The following EYS variants were observed in gnomAD, a reference collection of about 807,000 sequenced individuals.
The protein encoded by EYS is EGF-like photoreceptor maintenance factor, also known as protein eyes shut homolog.
A neutral mutation model predicts 282.1 loss-of-function variants in EYS; 250 were observed. That is an observed-to-expected ratio of 0.89 (90% confidence interval 0.80 to 0.98). EYS has a LOEUF of 0.98. Among genes scored for constraint, EYS ranks in the 50% least tolerant of loss-of-function variants. The probability of loss-of-function intolerance (pLI) is 0.00; values close to 1 mark genes in which losing one functional copy is unlikely to be tolerated. For missense variants in EYS, 4,016 were observed against 3,709.0 expected (o/e 1.08, Z -2.15); for synonymous variants, 1,355 against 1,282.9 (o/e 1.06, Z -1.20).
chr6:65,488,827 T>A (rs530183320), intron 5 of EYS, among the ~76,000 whole-genome samples: 1 of 152,112 alleles, frequency 6.6e-6, no homozygotes, highest in East Asian at 1.9e-4. Flanking sequence ...ACACCACACA[T>A]CTACCATCAT....
chr6:64,155,988 A>ATG (rs1322507686), intron 31 of EYS, among the ~76,000 whole-genome samples: 19 of 150,828 alleles, frequency 1.3e-4, no homozygotes, highest in African/African-American at 4.4e-4. Context: ...TTATATATAT[A>ATG]TATGTGTGTG....
chr6:64,530,533 G>C (rs577972264), intron 26 of EYS, among the ~76,000 whole-genome samples: 55 of 151,968 alleles, frequency 3.6e-4, no homozygotes, highest in African/African-American at 1.2e-3. Context: ...TACAATTATA[G>C]GATTGATTTA....
intron 15 of EYS, among the ~76,000 whole-genome samples, chr6:64,930,635 A>G (rs934016549): frequency 4.4e-4 from 67 of 152,138 alleles, no homozygotes; most frequent in African/African-American, 1.6e-3. Flanking sequence ...TTTTTATAAG[A>G]GATGAAAATT....
chr6:64,389,444 C>T (rs189660384), intron 28 of EYS, among the ~76,000 whole-genome samples: 409 of 152,256 alleles, frequency 2.7e-3, no homozygotes, highest in Non-Finnish European at 4.2e-3. Flanking sequence ...ATGCATGTGT[C>T]ATTTACTCTA....
chr6:63,941,169 C>T (rs955990417), intron 35 of EYS, among the ~76,000 whole-genome samples: 2 of 152,064 alleles, frequency 1.3e-5, no homozygotes, highest in Non-Finnish European at 2.9e-5. Context: ...TTTATAGCAG[C>T]GTGATTTATA....
At chr6:64,318,021 C>T (rs778305427) in intron 29 of EYS, among the ~76,000 whole-genome samples, 1 of 151,082 alleles carries the variant, frequency 6.6e-6, no homozygotes, top group Non-Finnish European at 1.5e-5. Context: ...CACACCAGGG[C>T]TTGTCAGGGG....
intron 5 of EYS, among the ~76,000 whole-genome samples, chr6:65,467,784 G>A (rs1264266300): frequency 6.6e-6 from 1 of 151,854 alleles, no homozygotes; most frequent in Non-Finnish European, 1.5e-5. Context: ...AATAGTGTGG[G>A]GGTAATTGTC....
chr6:65,227,584 C>T (rs188711985), intron 12 of EYS, among the ~76,000 whole-genome samples: 34 of 151,998 alleles, frequency 2.2e-4, no homozygotes, highest in Admixed American at 6.6e-4. Flanking sequence ...TATAAATAAA[C>T]GAATTGAAAG....
chr6:64,255,332 A>G (rs1767354279), intron 30 of EYS, among the ~76,000 whole-genome samples: 1 of 152,044 alleles, frequency 6.6e-6, no homozygotes, highest in Non-Finnish European at 1.5e-5. Flanking sequence ...CTCAACTAAA[A>G]TGATGCTTAT....
At chr6:65,235,302 C>A (rs1766893576) in intron 12 of EYS, among the ~76,000 whole-genome samples, 1 of 152,028 alleles carries the variant, frequency 6.6e-6, no homozygotes, top group Non-Finnish European at 1.5e-5. Context: ...AGTACTGTGA[C>A]TGAGCCACAT....
chr6:64,343,162 A>G (rs1446765227), intron 29 of EYS, among the ~76,000 whole-genome samples: 1 of 152,136 alleles, frequency 6.6e-6, no homozygotes, highest in African/African-American at 2.4e-5. Context: ...CAGAAAGTTA[A>G]CAACAATACC....
chr6:64,146,416 C>T (rs1774520620), intron 31 of EYS, among the ~76,000 whole-genome samples: 1 of 152,076 alleles, frequency 6.6e-6, no homozygotes, highest in Non-Finnish European at 1.5e-5. Flanking sequence ...TAGAGGCTTT[C>T]CAAAATTTGT....
chr6:65,288,379 A>T (rs1354666254), intron 12 of EYS, among the ~76,000 whole-genome samples: 5 of 150,654 alleles, frequency 3.3e-5, no homozygotes, highest in African/African-American at 1.2e-4. Flanking sequence ...GCTTTAAAAA[A>T]ATATAGGAAT....
chr6:64,465,557 T>C (rs1289114213), intron 26 of EYS, among the ~76,000 whole-genome samples: 1 of 152,086 alleles, frequency 6.6e-6, no homozygotes, highest in Non-Finnish European at 1.5e-5. Context: ...TGCAGACTAA[T>C]AAAAATAAAC....
chr6:65,594,459 T>G (rs1415804337), intron 2 of EYS, among the ~76,000 whole-genome samples: 1 of 152,100 alleles, frequency 6.6e-6, no homozygotes, highest in Non-Finnish European at 1.5e-5. Context: ...TATCTATGAT[T>G]CAAACTTAGT....
chr6:65,400,538 TA>T (rs1766453292), intron 7 of EYS, among the ~76,000 whole-genome samples: 1 of 151,954 alleles, frequency 6.6e-6, no homozygotes, highest in Non-Finnish European at 1.5e-5. Context: ...CATAGACACC[TA>T]AAGCTTTCAG....
At chr6:65,617,579 T>A (rs1459957666) in intron 2 of EYS, among the ~76,000 whole-genome samples, 1 of 151,880 alleles carries the variant, frequency 6.6e-6, no homozygotes, top group East Asian at 1.9e-4. Flanking sequence ...TACTTTAAGT[T>A]TTAGGGTACA....
intron 31 of EYS, among the ~76,000 whole-genome samples, chr6:64,147,488 C>A (rs1369235030): frequency 6.6e-6 from 1 of 152,148 alleles, no homozygotes; most frequent in African/African-American, 2.4e-5. Context: ...TTTACTAATT[C>A]CTTACTCCAT....
At chr6:64,243,165 C>G (rs924571291) in intron 30 of EYS, among the ~76,000 whole-genome samples, 2 of 151,366 alleles carry the variant, frequency 1.3e-5, no homozygotes, top group Non-Finnish European at 2.9e-5. Context: ...TATTCATATC[C>G]TCCTCCAAAC....
Sources: allele counts gnomAD v4.1 joint callset (sites outside exome capture counted in the v4.1 genomes callset), GRCh38; gene constraint gnomAD v4.1.1; transcripts MANE v1.5; gene names NCBI Gene and HGNC (gene_info 2026-07-23, HGNC 2026-07-21).